The following CACNA2D3 variants were observed in gnomAD, a reference collection of about 807,000 sequenced individuals.
CACNA2D3 encodes calcium voltage-gated channel auxiliary subunit alpha2delta 3.
In CACNA2D3, 60 loss-of-function variants were observed where a neutral mutation model predicts 160.6. The observed-to-expected ratio is 0.37, with a 90% CI of 0.30 to 0.46. CACNA2D3 has a LOEUF of 0.46. Ranked by LOEUF, CACNA2D3 falls within the 20% of genes least tolerant of loss-of-function variation. CACNA2D3 has a pLI of 1.00. For missense variants in CACNA2D3, 1,205 were observed against 1,365.0 expected (o/e 0.88, Z 1.85); for synonymous variants, 558 against 492.9 (o/e 1.13, Z -1.75).
intron 4 of CACNA2D3, among the ~76,000 whole-genome samples, chr3:54,440,741 G>GT (rs1324372610): frequency 1.4e-4 from 21 of 152,122 alleles, no homozygotes; most frequent in African/African-American, 4.8e-4. Flanking sequence ...GCGGTGTTTG[G>GT]TTTTTTGTCC....
At chr3:54,678,755 T>A (rs560919154) in intron 11 of CACNA2D3, among the ~76,000 whole-genome samples, 16 of 87,526 alleles carry the variant, frequency 1.8e-4, no homozygotes, top group African/African-American at 4.4e-4. Context: ...AAAAAGTTGA[T>A]GATCAAGTTA....
intron 35 of CACNA2D3, among the ~76,000 whole-genome samples, chr3:55,066,136 G>A (rs1162072631): frequency 6.6e-6 from 1 of 152,186 alleles, no homozygotes; most frequent in African/African-American, 2.4e-5. Context: ...GGGCAGGTGG[G>A]GGATAGGGCC....
intron 4 of CACNA2D3, among the ~76,000 whole-genome samples, chr3:54,439,821 GTT>G (rs1260038050): frequency 5.9e-5 from 9 of 152,108 alleles, no homozygotes; most frequent in Non-Finnish European, 1.3e-4. Flanking sequence ...AGCTCTCACT[GTT>G]TTCCTTCCAT....
intron 29 of CACNA2D3, among the ~76,000 whole-genome samples, chr3:54,971,656 C>T (rs1401191720): frequency 6.6e-6 from 1 of 152,188 alleles, no homozygotes; most frequent in Non-Finnish European, 1.5e-5. Context: ...CACACTGCCT[C>T]AGTGCATCCT....
At chr3:54,272,762 C>T (rs1219297792) in intron 2 of CACNA2D3, 1 of 152,164 alleles carries the variant, frequency 6.6e-6, no homozygotes, top group Non-Finnish European at 1.5e-5. Context: ...AAAGAAGGCA[C>T]CAGGTCTAAC....
chr3:54,239,523 G>T (rs926450337), intron 2 of CACNA2D3, among the ~76,000 whole-genome samples: 4 of 152,208 alleles, frequency 2.6e-5, no homozygotes, highest in South Asian at 2.1e-4. Context: ...GTTAATATCT[G>T]TTGTGACCCC....
chr3:54,436,240 G>T (rs187312377), intron 4 of CACNA2D3, among the ~76,000 whole-genome samples: 2 of 152,128 alleles, frequency 1.3e-5, no homozygotes, highest in Admixed American at 1.3e-4. Context: ...AACATCTCAC[G>T]CCAGTTAGAA....
At chr3:54,191,011 G>A (rs548296662) in intron 2 of CACNA2D3, among the ~76,000 whole-genome samples, 1 of 149,956 alleles carries the variant, frequency 6.7e-6, no homozygotes, top group Non-Finnish European at 1.5e-5. Flanking sequence ...CATCATATAT[G>A]GTGTTGAATT....
chr3:54,571,649 G>A (rs1702499738), intron 8 of CACNA2D3, among the ~76,000 whole-genome samples: 1 of 149,968 alleles, frequency 6.7e-6, no homozygotes, highest in Admixed American at 6.7e-5. Context: ...GTGTGTGTGT[G>A]TGTGTGTGTG....
intron 11 of CACNA2D3, among the ~76,000 whole-genome samples, chr3:54,648,734 C>G (rs1452875753): frequency 2.6e-5 from 4 of 152,222 alleles, no homozygotes; most frequent in African/African-American, 9.6e-5. Flanking sequence ...GTGCCAGCAC[C>G]TGCTCTGCTT....
intron 18 of CACNA2D3, 144 bp from the exon 19 acceptor site, chr3:54,878,874 C>T (rs980209246): frequency 2.6e-5 from 14 of 530,184 alleles, no homozygotes; most frequent in Middle Eastern, 2.7e-4. Context: ...TGTACATGAG[C>T]AGTTGGGTGT....
chr3:54,159,942 A>G (rs1212635664), intron 2 of CACNA2D3, among the ~76,000 whole-genome samples: 1 of 152,232 alleles, frequency 6.6e-6, no homozygotes, highest in Non-Finnish European at 1.5e-5. Context: ...AGAAGATAAC[A>G]TACAATTATT....
chr3:54,285,999 G>A (rs1376351719), intron 2 of CACNA2D3, among the ~76,000 whole-genome samples: 1 of 152,140 alleles, frequency 6.6e-6, no homozygotes, highest in Non-Finnish European at 1.5e-5. Context: ...CAGAAAAACT[G>A]GAAACTCTAA....
At chr3:54,871,928 G>C (rs1434870047) in intron 18 of CACNA2D3, among the ~76,000 whole-genome samples, 3 of 152,196 alleles carry the variant, frequency 2.0e-5, no homozygotes, top group African/African-American at 4.8e-5. Flanking sequence ...ACAGTGGATG[G>C]CCCCTGACAT....
At chr3:54,463,136 G>T (rs1468587867) in intron 4 of CACNA2D3, among the ~76,000 whole-genome samples, 1 of 151,914 alleles carries the variant, frequency 6.6e-6, no homozygotes, top group African/African-American at 2.4e-5. Flanking sequence ...AGTTTCCGCC[G>T]AGAGATCCGC....
chr3:54,409,390 C>A (rs1214134701), intron 4 of CACNA2D3, among the ~76,000 whole-genome samples: 3 of 152,182 alleles, frequency 2.0e-5, no homozygotes, highest in African/African-American at 7.2e-5. Context: ...GTCCCACCAA[C>A]CAGCCATTCC....
chr3:54,556,535 C>G (rs1270393129), intron 5 of CACNA2D3, among the ~76,000 whole-genome samples: 1 of 152,142 alleles, frequency 6.6e-6, no homozygotes, highest in Non-Finnish European at 1.5e-5. Context: ...TCTCTGTTGT[C>G]TTTAAGCCAT....
chr3:54,516,067 G>A (rs548979042), intron 5 of CACNA2D3, among the ~76,000 whole-genome samples: 2 of 152,316 alleles, frequency 1.3e-5, no homozygotes, highest in South Asian at 2.1e-4. Flanking sequence ...AGGGACATGT[G>A]TCATTGGGGG....
chr3:54,703,868 G>A (rs1410848099), intron 11 of CACNA2D3, among the ~76,000 whole-genome samples: 1 of 152,192 alleles, frequency 6.6e-6, no homozygotes, highest in Non-Finnish European at 1.5e-5. Flanking sequence ...AGCCGCATTT[G>A]TTTGTAGCAC....
Sources: allele counts gnomAD v4.1 joint callset (sites outside exome capture counted in the v4.1 genomes callset), GRCh38; gene constraint gnomAD v4.1.1; transcripts MANE v1.5; gene names NCBI Gene and HGNC (gene_info 2026-07-23, HGNC 2026-07-21).